Variants in KATNAL2 observed in about 807,000 individuals in gnomAD.
KATNAL2 encodes the protein katanin catalytic subunit A1 like 2, also known as katanin p60 ATPase-containing subunit A-like 2.
KATNAL2 carries 52 observed loss-of-function variants against 76.3 expected under a neutral mutation model. The observed-to-expected ratio is 0.68, with a 90% confidence interval of 0.55 to 0.86. The LOEUF (loss-of-function observed/expected upper bound fraction) is 0.86. KATNAL2 is among the 40% of genes least tolerant of loss of function. The pLI is 0.00. For synonymous variants in KATNAL2, 243 were observed against 244.2 expected (o/e 1.00, Z 0.05); for missense variants, 660 against 668.9 (o/e 0.99, Z 0.15).
intron 4 of KATNAL2, among the ~76,000 whole-genome samples, chr18:47,050,864 G>A (rs772505779): frequency 7.2e-5 from 11 of 152,186 alleles, no homozygotes; most frequent in Non-Finnish European, 1.6e-4. Flanking sequence ...CCGATGTGAT[G>A]TAAGGCCATT....
chr18:47,041,170 G>A (rs77350842), intron 3 of KATNAL2, among the ~76,000 whole-genome samples: 2,887 of 152,230 alleles, frequency 0.019, 59 homozygotes, highest in East Asian at 0.098. Flanking sequence ...AAAATACAGT[G>A]GTATGTTGTT....
intron 6 of KATNAL2, among the ~76,000 whole-genome samples, chr18:47,057,847 C>CTTG (rs1463861345): frequency 1.3e-5 from 2 of 152,174 alleles, no homozygotes; most frequent in Non-Finnish European, 2.9e-5. Context: ...GGGAGGACTC[C>CTTG]TTTCTCTCTC....
In KATNAL2 at chr18:46,954,745, G is replaced by A. The variant is rs138617792; in HGVS notation, c.51+7822G>A. On this transcript the variant is annotated intron_variant, in intron 3 of 17. Coordinates refer to ENST00000683218, the MANE Select transcript of KATNAL2 (RefSeq NM_001387690.1). Reference sequence around the variant, plus strand: ...TGCAACCTCTGCCTCCTGGGTTCAAGCAATTCTCCCACCTCAGCCTCCAGA... The same window carrying A: ...TGCAACCTCTGCCTCCTGGGTTCAAACAATTCTCCCACCTCAGCCTCCAGA... Among the ~76,000 whole-genome samples the A allele has an allele frequency of 5.9e-3, 892 of 152,198 alleles. 10 individuals are homozygous for A. Among genetic ancestry groups the A allele is most frequent in the African/African-American group, 0.021 (852 of 41,514 alleles).
chr18:47,061,483 T>C (rs1212131325), intron 8 of KATNAL2, among the ~76,000 whole-genome samples: 2 of 152,170 alleles, frequency 1.3e-5, no homozygotes, highest in African/African-American at 4.8e-5. Context: ...TCCTCCCCAA[T>C]GACCCAAACA....
intron 14 of KATNAL2, chr18:47,076,287 T>G (rs1187050156): frequency 1.3e-5 from 2 of 152,336 alleles, no homozygotes. Context: ...CCAAGTAATA[T>G]ATGGGATTCA....
intron 3 of KATNAL2, among the ~76,000 whole-genome samples, chr18:46,949,615 C>A (rs567717762): frequency 6.0e-4 from 92 of 152,286 alleles, no homozygotes; most frequent in African/African-American, 2.2e-3. Flanking sequence ...TAGGGGAAGC[C>A]ACCCCAGTGA....
rs1213847928 is a variant in KATNAL2 at position 47,054,123 on chromosome 18, G to C, written c.290-273G>C. 1.3e-5 allele frequency among the ~76,000 whole-genome samples: 2 copies of C among 152,192 alleles called. 1 individual carries two copies. The highest frequency in any genetic ancestry group is 4.1e-4 in the South Asian group (2 of 4,822). ...GTAGCTGTAAAGCTAGCCTATATTGGAGTTGCCACCAGGTCCACAGTCTCT... is the reference window on the plus strand; with the variant it reads ...GTAGCTGTAAAGCTAGCCTATATTGCAGTTGCCACCAGGTCCACAGTCTCT... On this transcript the variant is annotated intron_variant, in intron 5 of 17. Coordinates refer to ENST00000683218, the MANE Select transcript of KATNAL2 (RefSeq NM_001387690.1).
intron 13 of KATNAL2, among the ~76,000 whole-genome samples, chr18:47,072,259 TC>T (rs1243142507): frequency 6.6e-6 from 1 of 151,098 alleles, no homozygotes; most frequent in Middle Eastern, 3.5e-3. Context: ...CCCAGCCTCT[TC>T]CTTTCTTTTA....
At chr18:47,054,481 A>T (rs766319414) in intron 6 of KATNAL2, 43 bp downstream of exon 6, 1 of 1,580,094 alleles carries the variant, frequency 6.3e-7, no homozygotes, top group Non-Finnish European at 8.7e-7. Flanking sequence ...CGGCTCGAGG[A>T]GCTTGTGGAA....
chr18:47,066,888 T>TATATATATATATATATATATACACAC (rs11281082), intron 10 of KATNAL2, 133 bp from the exon 11 acceptor site: 2 of 75,816 alleles, frequency 2.6e-5, no homozygotes, highest in Non-Finnish European at 5.6e-5. Flanking sequence ...TATATATATA[T>TATATATATATATATATATATACACAC]ATATAATATG....
intron 3 of KATNAL2, among the ~76,000 whole-genome samples, chr18:46,949,664 G>C (rs756757754): frequency 1.8e-4 from 28 of 152,158 alleles, no homozygotes; most frequent in Non-Finnish European, 3.1e-4. Flanking sequence ...GTAATTCTGG[G>C]GGTTATCCTT....
At chr18:47,083,152 T>G (rs1187518799) in intron 15 of KATNAL2, among the ~76,000 whole-genome samples, 4 of 152,240 alleles carry the variant, frequency 2.6e-5, no homozygotes, top group Non-Finnish European at 5.9e-5. Flanking sequence ...AGGACAGATT[T>G]CCGGAAGTCA....
chr18:46,941,176 TAGTC>T (rs752138493), intron 1 of KATNAL2, among the ~76,000 whole-genome samples: 10 of 151,312 alleles, frequency 6.6e-5, no homozygotes, highest in South Asian at 2.1e-4. Context: ...ATACAAAAAT[TAGTC>T]AGGTGAGATG....
rs563552199 is a variant in KATNAL2, at chr18:46,956,269, A to G, written c.51+9346A>G. On this transcript the variant is annotated intron_variant, in intron 3 of 17. Coordinates refer to ENST00000683218, the MANE Select transcript of KATNAL2 (RefSeq NM_001387690.1). ...ATTCATTAACTCATACGATAAACGC[A>G]ATTTAGTGCCTGCTTTCTGTACAAC... is the stretch of plus-strand genomic sequence containing the variant. Among the ~76,000 whole-genome samples the G allele has an allele frequency of 1.1e-4, 16 of 152,330 alleles. No homozygotes were observed. In the South Asian group the frequency reaches 3.3e-3, roughly 32 times the overall value.
intron 1 of KATNAL2, among the ~76,000 whole-genome samples, chr18:46,939,059 A>C (rs2059170655): frequency 1.3e-5 from 2 of 152,170 alleles, no homozygotes; most frequent in African/African-American, 4.8e-5. Context: ...TGACGAAATG[A>C]GGCTAGGCAT....
chr18:47,078,305 C>G (rs1158720445), intron 15 of KATNAL2, among the ~76,000 whole-genome samples: 1 of 151,998 alleles, frequency 6.6e-6, no homozygotes, highest in East Asian at 1.9e-4. Flanking sequence ...TGCTAATTAT[C>G]TGGGACCCCC....
At chr18:46,939,430 T>C (rs72917169) in intron 1 of KATNAL2, among the ~76,000 whole-genome samples, 4 of 151,804 alleles carry the variant, frequency 2.6e-5, no homozygotes, top group African/African-American at 9.7e-5. Flanking sequence ...CAGAATCAAA[T>C]GTATGGAGGC....
At chr18:47,039,042 T>C (rs2060873818) in intron 3 of KATNAL2, among the ~76,000 whole-genome samples, 1 of 152,202 alleles carries the variant, frequency 6.6e-6, no homozygotes, top group Non-Finnish European at 1.5e-5. Context: ...CTCATGGTGC[T>C]GTGTGTGATA....
chr18:46,930,788 CAG>C (rs2058884700), intron 1 of KATNAL2, among the ~76,000 whole-genome samples: 1 of 151,332 alleles, frequency 6.6e-6, no homozygotes, highest in Admixed American at 6.6e-5. Flanking sequence ...GCTTGGGTGA[CAG>C]AGTGAGACTC....
Sources: gnomAD v4.1 joint callset for allele counts (sites outside exome capture counted in the v4.1 genomes callset) on GRCh38, gnomAD v4.1.1 for gene constraint, MANE v1.5 for transcripts, NCBI Gene and HGNC (gene_info 2026-07-23, HGNC 2026-07-21) for gene names.